PIK3C2G: variants seen among roughly 807,000 people sequenced by gnomAD.
PIK3C2G encodes phosphatidylinositol 3-kinase C2 domain-containing subunit gamma.
In PIK3C2G, 168 loss-of-function variants were observed where a neutral mutation model predicts 181.1. The observed-to-expected ratio is 0.93, with a 90% CI of 0.82 to 1.05. PIK3C2G has a LOEUF of 1.05. Ranked by LOEUF, PIK3C2G falls within the 50% of genes least tolerant of loss-of-function variation. The pLI, the probability that PIK3C2G is intolerant of heterozygous loss-of-function variation, is 0.00. For missense variants in PIK3C2G, 1,869 were observed against 1,732.8 expected, an observed-to-expected ratio of 1.08 and a Z score of -1.40; for synonymous variants, 573 against 592.2, an observed-to-expected ratio of 0.97 and a Z score of 0.47.
intron 25 of PIK3C2G, among the ~76,000 whole-genome samples, 181 bp downstream of exon 25, chr12:18,538,493 C>T (rs1943982581): frequency 6.6e-6 from 1 of 151,786 alleles, no homozygotes; most frequent in Non-Finnish European, 1.5e-5. Flanking sequence ...TTAATATGTT[C>T]GTTCATAGTT....
chr12:18,580,359 A>T (rs1198053033), intron 29 of PIK3C2G, among the ~76,000 whole-genome samples: 1 of 152,210 alleles, frequency 6.6e-6, no homozygotes, highest in Non-Finnish European at 1.5e-5. Flanking sequence ...GATATTACTT[A>T]AGGTTTAAGC....
At chr12:18,493,221 T>C (rs1013365625) in intron 20 of PIK3C2G, 3 of 152,224 alleles carry the variant, frequency 2.0e-5, no homozygotes, top group Admixed American at 6.5e-5. Context: ...CTAAATGTCT[T>C]ATTTGACATC....
intron 5 of PIK3C2G, among the ~76,000 whole-genome samples, chr12:18,304,309 T>G (rs971968718): frequency 6.6e-6 from 1 of 152,158 alleles, no homozygotes; most frequent in African/African-American, 2.4e-5. Flanking sequence ...CAGGCTGGAG[T>G]GCAGTGGCAC....
intron 30 of PIK3C2G, among the ~76,000 whole-genome samples, chr12:18,602,742 C>T (rs1214844666): frequency 6.6e-6 from 1 of 152,174 alleles, no homozygotes; most frequent in Non-Finnish European, 1.5e-5. Context: ...GCCAGGTAGG[C>T]TCACTGGGTG....
At chr12:18,405,620 T>A (rs1592174436) in intron 16 of PIK3C2G, among the ~76,000 whole-genome samples, 1 of 152,128 alleles carries the variant, frequency 6.6e-6, no homozygotes, top group Non-Finnish European at 1.5e-5. Context: ...AAGGGTGGTA[T>A]CTTAGAACTC....
chr12:18,635,978 A>G (rs1039230862), intron 31 of PIK3C2G, among the ~76,000 whole-genome samples: 2 of 152,150 alleles, frequency 1.3e-5, no homozygotes. Context: ...ACCTCTAAAA[A>G]TTTCACTGAG....
chr12:18,679,634 GGATTAA>G, the PIK3C2G span, among the ~76,000 whole-genome samples: 2 of 151,930 alleles, frequency 1.3e-5, no homozygotes, highest in East Asian at 1.9e-4. Context: ...ATTGCTGAAA[GGATTAA>G]GATTAATTTT....
At chr12:18,254,060 ACATGAG>A (rs1948120662) in intron 1 of PIK3C2G, among the ~76,000 whole-genome samples, 1 of 152,166 alleles carries the variant, frequency 6.6e-6, no homozygotes, top group Non-Finnish European at 1.5e-5. Context: ...AAGTGGAGAA[ACATGAG>A]CAGTTTACTT....
At chr12:18,523,345 A>G (rs887417675) in intron 24 of PIK3C2G, among the ~76,000 whole-genome samples, 4 of 152,140 alleles carry the variant, frequency 2.6e-5, no homozygotes, top group African/African-American at 7.2e-5. Flanking sequence ...ATATGTGAGG[A>G]CATCATCACC....
intron 6 of PIK3C2G, among the ~76,000 whole-genome samples, chr12:18,317,343 G>A (rs754903936): frequency 6.0e-5 from 9 of 151,000 alleles, no homozygotes; most frequent in Non-Finnish European, 1.0e-4. Flanking sequence ...TTTTTTTTTC[G>A]CATTACATTT....
intron 11 of PIK3C2G, among the ~76,000 whole-genome samples, chr12:18,357,152 A>G (rs955736251): frequency 6.6e-6 from 1 of 152,216 alleles, no homozygotes; most frequent in East Asian, 1.9e-4. Flanking sequence ...ATTTTATTTT[A>G]AAAGACCTGT....
the PIK3C2G span, chr12:18,719,635 A>G: frequency 1.3e-6 from 2 of 1,571,662 alleles, no homozygotes; most frequent in Non-Finnish European, 1.7e-6. Context: ...TTTCCTAACT[A>G]AAAAAATAAA....
chr12:18,443,310 G>T (rs1259537296), intron 18 of PIK3C2G, among the ~76,000 whole-genome samples: 1 of 152,096 alleles, frequency 6.6e-6, no homozygotes, highest in African/African-American at 2.4e-5. Context: ...GTTTGTGAGT[G>T]TATGTATGTA....
intron 9 of PIK3C2G, among the ~76,000 whole-genome samples, chr12:18,341,174 T>G (rs1939106794): frequency 6.6e-6 from 1 of 152,190 alleles, no homozygotes; most frequent in South Asian, 2.1e-4. Flanking sequence ...ATAAAAAGTT[T>G]TATCTTCAAA....
chr12:18,502,008 C>G (rs1038583730), intron 22 of PIK3C2G, among the ~76,000 whole-genome samples: 15 of 152,258 alleles, frequency 9.9e-5, no homozygotes, highest in African/African-American at 3.4e-4. Context: ...AAAAGCATCA[C>G]CTACTGACAT....
In PIK3C2G at chr12:18,328,394, T is replaced by C. The variant is rs542063104; in HGVS notation, c.1272+3296T>C. ...TATTCATCTAGAGAGAGAAAGAAAA[T>C]TCCATATATGAGTAGAAAGAAAGAG... On this transcript the variant is annotated intron_variant, in intron 8 of 32. Coordinates refer to ENST00000538779, the MANE Select transcript of PIK3C2G (RefSeq NM_001288772.2). Among the ~76,000 whole-genome samples, 4 of 152,032 alleles carry C rather than the reference T, an allele frequency of 2.6e-5. No homozygotes were observed. The South Asian group carries it at 8.3e-4, about 32-fold the overall frequency.
chr12:18,369,039 G>A (rs1941839615), intron 12 of PIK3C2G, among the ~76,000 whole-genome samples: 1 of 152,132 alleles, frequency 6.6e-6, no homozygotes, highest in Non-Finnish European at 1.5e-5. Context: ...ATAGGCTTTT[G>A]TCATCTTCAG....
chr12:18,443,061 C>T (rs1946835773), intron 18 of PIK3C2G, among the ~76,000 whole-genome samples: 1 of 151,808 alleles, frequency 6.6e-6, no homozygotes, highest in African/African-American at 2.4e-5. Context: ...TTAGTAGAGA[C>T]AGTTTCCCCA....
chr12:18,479,637 T>C (rs1008244600), intron 18 of PIK3C2G, among the ~76,000 whole-genome samples: 3 of 152,188 alleles, frequency 2.0e-5, no homozygotes, highest in African/African-American at 7.2e-5. Flanking sequence ...GGAAGGCAGC[T>C]TACTAAACCT....
Sources: gnomAD v4.1 joint callset for allele counts (sites outside exome capture counted in the v4.1 genomes callset) on GRCh38, gnomAD v4.1.1 for gene constraint, MANE v1.5 for transcripts, NCBI Gene and HGNC (gene_info 2026-07-23, HGNC 2026-07-21) for gene names.